Variants in BAIAP2L1 observed in about 807,000 individuals in gnomAD.
BAIAP2L1 encodes BAR/IMD domain containing adaptor protein 2 like 1.
BAIAP2L1 carries 35 observed loss-of-function variants against 66.3 expected under a neutral mutation model. That is an observed-to-expected ratio of 0.53 (90% CI 0.40 to 0.70). The LOEUF is 0.70. BAIAP2L1 is among the 30% of genes least tolerant of loss of function. The probability of loss-of-function intolerance (pLI) is 0.00; values close to 1 mark genes in which losing one functional copy is unlikely to be tolerated. For missense variants in BAIAP2L1, 622 were observed against 656.9 expected, an observed-to-expected ratio of 0.95 and a Z score of 0.58; for synonymous variants, 269 against 248.7, an observed-to-expected ratio of 1.08 and a Z score of -0.77.
At chr7:98,342,377 AT>A (rs1801765487) in intron 3 of BAIAP2L1, among the ~76,000 whole-genome samples, 6 of 152,196 alleles carry the variant, frequency 3.9e-5, no homozygotes, top group Admixed American at 3.9e-4. Context: ...TTCTGCTCTA[AT>A]TTTTAGACCA....
intron 5 of BAIAP2L1, among the ~76,000 whole-genome samples, chr7:98,319,009 A>G (rs1486348076): frequency 6.6e-6 from 1 of 151,868 alleles, no homozygotes; most frequent in Non-Finnish European, 1.5e-5. Context: ...GCAATTAGAT[A>G]ACGTATGTAA....
chr7:98,315,626 A>ATAATT lies in BAIAP2L1; in HGVS notation c.487-15_487-14insAATTA. On this transcript the variant is annotated splice_polypyrimidine_tract_variant and intron_variant, in intron 6 of 13. Transcript: ENST00000005260. ...GGTCTCCACATACTAAAAAAAAAAA[A>ATAATT]ATAATAATAATAATAATTATATAAG... The ATAATT allele has an allele frequency of 9.3e-7, 1 of 1,077,250 alleles. No homozygotes were observed. The highest frequency in any genetic ancestry group is 3.3e-5 in the East Asian group (1 of 30,082). The allele number at this position is 1,077,250 out of a possible 1,614,324, so 66.7% of individuals were successfully genotyped here. A position where few individuals can be genotyped will look rare whatever the true frequency, so the allele number is the denominator to read the frequency against.
intron 1 of BAIAP2L1, among the ~76,000 whole-genome samples, chr7:98,374,999 A>C (rs1030071828): frequency 6.6e-6 from 1 of 152,138 alleles, no homozygotes; most frequent in South Asian, 2.1e-4. Flanking sequence ...AGGGAGGAGA[A>C]GTGCTTGACC....
chr7:98,304,484 C>T, intron 11 of BAIAP2L1, 108 bp from the exon 12 acceptor site: 1 of 1,066,820 alleles, frequency 9.4e-7, no homozygotes, highest in Non-Finnish European at 1.4e-6. Context: ...CATCACCAAT[C>T]AAAACCTGAT....
At chr7:98,298,654 C>G (rs1800291129) in intron 12 of BAIAP2L1, among the ~76,000 whole-genome samples, 1 of 152,120 alleles carries the variant, frequency 6.6e-6, no homozygotes, top group African/African-American at 2.4e-5. Context: ...TCCCAGCTCT[C>G]ATGGATCCCA....
At chr7:98,307,658 G>A (rs1483868172) in intron 10 of BAIAP2L1, 31 bp downstream of exon 10, 1 of 1,611,568 alleles carries the variant, frequency 6.2e-7, no homozygotes, top group African/African-American at 1.3e-5. Flanking sequence ...GCCGTCTGGT[G>A]CCCTGCGGGG....
intron 3 of BAIAP2L1, among the ~76,000 whole-genome samples, chr7:98,333,536 T>C (rs1466204504): frequency 3.3e-5 from 5 of 151,706 alleles, no homozygotes; most frequent in African/African-American, 4.8e-5. Context: ...GAGGTGGAGG[T>C]TACAGTGAGC....
intron 1 of BAIAP2L1, 70 bp from the exon 2 acceptor site, chr7:98,362,502 C>G: frequency 7.4e-7 from 1 of 1,352,020 alleles, no homozygotes; most frequent in Non-Finnish European, 1.0e-6. Flanking sequence ...GATTTTGTCA[C>G]TGTGTGGCCC....
chr7:98,345,539 G>A (rs1688606), intron 3 of BAIAP2L1, among the ~76,000 whole-genome samples: 120,374 of 151,876 alleles, frequency 0.79, 47,861 homozygotes, highest in Non-Finnish European at 0.82. Flanking sequence ...AGCCTGACCA[G>A]TATCGTGAAA....
At chr7:98,375,414 TGA>T (rs796377410) in intron 1 of BAIAP2L1, among the ~76,000 whole-genome samples, 1 of 143,944 alleles carries the variant, frequency 6.9e-6, no homozygotes, top group African/African-American at 2.6e-5. Context: ...AAAAAATTTG[TGA>T]GAGTGTAGAA....
Position 98,294,293 on chromosome 7 carries a change from T to C in BAIAP2L1, c.1423-182A>G, listed in dbSNP as rs1173275581. ...CAGGTGTGAGCCGCTGCGACTGGCCTGTATTGGAGATTTTTAATAAGACCC... is the reference window on the plus strand; with the variant it reads ...CAGGTGTGAGCCGCTGCGACTGGCCCGTATTGGAGATTTTTAATAAGACCC... On this transcript the variant is annotated intron_variant, in intron 12 of 13. Transcript: ENST00000005260. 2.0e-5 allele frequency among the ~76,000 whole-genome samples: 3 copies of C among 152,198 alleles called. No individual in the cohort carries two copies. In the East Asian group the frequency reaches 5.8e-4, roughly 29 times the overall value.
intron 1 of BAIAP2L1, among the ~76,000 whole-genome samples, chr7:98,377,803 G>T (rs1264389960): frequency 1.8e-5 from 2 of 111,954 alleles, no homozygotes; most frequent in Non-Finnish European, 3.4e-5. Context: ...CTGGGCGACA[G>T]AGTGAGACTC....
At chr7:98,332,974 G>C (rs894492318) in intron 3 of BAIAP2L1, among the ~76,000 whole-genome samples, 2 of 151,918 alleles carry the variant, frequency 1.3e-5, no homozygotes, top group Non-Finnish European at 2.9e-5. Context: ...ATCCTCGCCT[G>C]CCCCTCAGCC....
chr7:98,330,765 T>C (rs1365616972), intron 3 of BAIAP2L1, among the ~76,000 whole-genome samples: 3 of 152,138 alleles, frequency 2.0e-5, no homozygotes, highest in Non-Finnish European at 2.9e-5. Context: ...CTTCTACTCA[T>C]AGCAGAAGGC....
At chr7:98,338,322 T>C (rs971312857) in intron 3 of BAIAP2L1, among the ~76,000 whole-genome samples, 39 of 150,808 alleles carry the variant, frequency 2.6e-4, no homozygotes, top group Non-Finnish European at 4.7e-4. Flanking sequence ...CTCAGAAGGC[T>C]GAGGCAGGAG....
chr7:98,400,922 G>A lies in BAIAP2L1; in HGVS notation c.-70C>T. On this transcript the variant is annotated 5_prime_UTR_variant, in exon 1 of 14. Transcript: ENST00000005260. ...CCTCGTGGCCGCCGGACTCCGGGCA[G>A]CGGGAGGGCCGGGGCGCGACTAAGG... is the stretch of plus-strand genomic sequence containing the variant. The A allele has an allele frequency of 1.4e-6, 2 of 1,430,462 alleles. No individual in the cohort carries two copies. The highest frequency in any genetic ancestry group is 2.4e-4 in the Middle Eastern group (1 of 4,220). The allele number at this position is 1,430,462 out of a possible 1,614,324, so 88.6% of individuals were successfully genotyped here. A position where few individuals can be genotyped will look rare whatever the true frequency, so the allele number is the denominator to read the frequency against.
chr7:98,324,444 C>A (rs914132444), intron 3 of BAIAP2L1, among the ~76,000 whole-genome samples: 1 of 152,160 alleles, frequency 6.6e-6, no homozygotes, highest in African/African-American at 2.4e-5. Flanking sequence ...ATATGCCCAA[C>A]ATTTTGGACA....
At chr7:98,319,005 A>G (rs1193180188) in intron 5 of BAIAP2L1, among the ~76,000 whole-genome samples, 1 of 151,758 alleles carries the variant, frequency 6.6e-6, no homozygotes, top group Admixed American at 6.6e-5. Flanking sequence ...CATAGCAATT[A>G]GATAACGTAT....
chr7:98,338,669 C>T (rs1411015805), intron 3 of BAIAP2L1, among the ~76,000 whole-genome samples: 1 of 152,102 alleles, frequency 6.6e-6, no homozygotes, highest in East Asian at 1.9e-4. Flanking sequence ...CATTCTTTTT[C>T]GTGGGTAAAT....
Sources: allele counts gnomAD v4.1 joint callset (sites outside exome capture counted in the v4.1 genomes callset), GRCh38; gene constraint gnomAD v4.1.1; transcripts MANE v1.5; gene names NCBI Gene and HGNC (gene_info 2026-07-23, HGNC 2026-07-21).